The following UPF2 variants were observed in gnomAD, a reference collection of about 807,000 sequenced individuals.
The protein encoded by UPF2 is UPF2 regulator of nonsense mediated mRNA decay.
Under a neutral mutation model 141.4 loss-of-function variants are expected in UPF2, and 17 were observed. The ratio of observed to expected loss-of-function variants is 0.12; its 90% CI spans 0.08 to 0.18. The LOEUF is 0.18. UPF2 is among the 10% of genes least tolerant of loss of function. The probability of loss-of-function intolerance (pLI) is 1.00; values close to 1 mark genes in which losing one functional copy is unlikely to be tolerated. For missense variants in UPF2, 1,152 were observed against 1,515.9 expected, an observed-to-expected ratio of 0.76 and a Z score of 3.99; for synonymous variants, 540 against 498.0, an observed-to-expected ratio of 1.08 and a Z score of -1.12.
Position 11,920,274 on chromosome 10 carries a change from G to T in UPF2, c.*1024C>A, listed in dbSNP as rs1429435088. On this transcript the variant is annotated 3_prime_UTR_variant, in exon 22 of 22. Coordinates refer to ENST00000357604, the MANE Select transcript of UPF2 (RefSeq NM_015542.4). ...CCTGCTGGAAAGCAAACCAAAGACAGCTGTCCTAAGAAATTAACAGATTGT... is the reference window on the plus strand; with the variant it reads ...CCTGCTGGAAAGCAAACCAAAGACATCTGTCCTAAGAAATTAACAGATTGT... 6.6e-6 allele frequency: 1 copy of T among 151,966 alleles called. No individual in the cohort carries two copies. The highest frequency in any genetic ancestry group is 1.5e-5 in the Non-Finnish European group (1 of 68,016). 9.4% of individuals were successfully genotyped at this position (151,966 alleles called of 1,614,324 possible).
intron 9 of UPF2, among the ~76,000 whole-genome samples, chr10:11,978,785 AATG>A (rs953573738): frequency 6.6e-6 from 1 of 152,108 alleles, no homozygotes; most frequent in Non-Finnish European, 1.5e-5. Context: ...GACCCTGGAG[AATG>A]ATTTCTACCT....
intron 17 of UPF2, 39 bp from the exon 18 acceptor site, chr10:11,942,802 T>G: frequency 6.3e-7 from 1 of 1,586,142 alleles, no homozygotes; most frequent in Non-Finnish European, 8.6e-7. Flanking sequence ...CCAGAAATTT[T>G]AACTGTAATG....
rs745680864 is a variant in UPF2, at chr10:11,997,651, T to C, written c.1844+21A>G. ...ACTACAGAGTAAAAACACTAATAAA[T>C]TTCTCTTTCATAACACTTACCTTTG... On this transcript the variant is annotated intron_variant, in intron 8 of 21. Transcript: ENST00000357604. The C allele has an allele frequency of 3.2e-5, 52 of 1,608,534 alleles. 1 individual carries two copies. In the South Asian group the frequency reaches 5.5e-4, roughly 17 times the overall value.
chr10:11,921,175 T>C lies in UPF2; in HGVS notation c.*123A>G, dbSNP rs1832638496. On this transcript the variant is annotated 3_prime_UTR_variant, in exon 22 of 22. Transcript: ENST00000357604. This position sits in a 1 kb window ranked among gnomAD's most constrained non-coding sequence, Gnocchi z 5.9. The stretch of plus-strand genomic sequence containing the variant: ...TCCTGGCCCCAGCCTGTCCCAGGTT[T>C]AGATTCGCAACTCTCTAGACCGACC... 1 of 1,373,554 alleles carries C rather than the reference T, an allele frequency of 7.3e-7. No individual in the cohort carries two copies. The highest frequency in any genetic ancestry group is 1.4e-5 in the African/African-American group (1 of 70,168). The allele number at this position is 1,373,554 out of a possible 1,614,324, so 85.1% of individuals were successfully genotyped here. A position where few individuals can be genotyped will look rare whatever the true frequency, so the allele number is the denominator to read the frequency against.
intron 9 of UPF2, among the ~76,000 whole-genome samples, chr10:11,976,085 T>C (rs559635154): frequency 6.6e-6 from 1 of 152,246 alleles, no homozygotes; most frequent in Non-Finnish European, 1.5e-5. Flanking sequence ...TCTGAGAATG[T>C]TGGTTTCTAA....
Position 12,004,672 on chromosome 10 carries a change from C to T in UPF2, c.1362G>A (p.Leu454=). 1 of 1,613,818 alleles carries T rather than the reference C, an allele frequency of 6.2e-7. No homozygotes were observed. The highest frequency in any genetic ancestry group is 8.5e-7 in the Non-Finnish European group (1 of 1,179,888). ...CTTCATCTTCCCATATACCACCTTC[C>T]AAGTCATATTCTCCAGGTTTACCAG... ...FTPGKPGEYD[L]EGGIWEDEDA... The change falls in exon 5 of 22, where the codon TTG becomes TTA. Residue 454 remains leucine, a synonymous_variant. Transcript: ENST00000357604.
Position 11,956,471 on chromosome 10 carries a change from T to C in UPF2, c.2423A>G (p.Tyr808Cys), listed in dbSNP as rs934171970. 1 of 1,614,050 alleles carries C rather than the reference T, an allele frequency of 6.2e-7. No individual in the cohort carries two copies. The highest frequency in any genetic ancestry group is 8.5e-7 in the Non-Finnish European group (1 of 1,179,934). The change falls in exon 13 of 22, where the codon TAT (tyrosine) becomes TGT (cysteine). Residue 808 changes from tyrosine to cysteine, a missense_variant. By Grantham distance (194) the Tyr-to-Cys change is radical. Transcript: ENST00000357604. This position sits in a 1 kb window ranked among gnomAD's most constrained non-coding sequence, Gnocchi z 4.2. ...GATGTTTATCATACAACAAATAACATAGTCTTTCACTTCTTGGTCCTGCCA... is the reference window on the plus strand; with the variant it reads ...GATGTTTATCATACAACAAATAACACAGTCTTTCACTTCTTGGTCCTGCCA... ...LPWQDQEVKD[Y>C]VICCMINIWN...
intron 3 of UPF2, among the ~76,000 whole-genome samples, chr10:12,023,579 A>T (rs994879267): frequency 6.6e-6 from 1 of 150,810 alleles, no homozygotes; most frequent in Non-Finnish European, 1.5e-5. Context: ...AATCCCAGTT[A>T]CTCGGGAGGC....
chr10:11,954,508 C>T (rs911711753), intron 14 of UPF2, among the ~76,000 whole-genome samples: 1 of 151,498 alleles, frequency 6.6e-6, no homozygotes, highest in African/African-American at 2.4e-5. Flanking sequence ...GTGGAGTACA[C>T]CTGTAATCCC....
At chr10:11,951,116 G>A (rs1329973549) in intron 15 of UPF2, among the ~76,000 whole-genome samples, 2 of 152,058 alleles carry the variant, frequency 1.3e-5, no homozygotes, top group African/African-American at 2.4e-5. Context: ...AGGCTGTAGT[G>A]CAATGGCGTG....
chr10:12,029,328 A>G lies in UPF2; in HGVS notation c.562T>C (p.Ser188Pro), dbSNP rs1564372320. The change falls in exon 3 of 22, where the codon TCC (serine) becomes CCC (proline). Residue 188 changes from serine (S) to proline (P), a missense_variant. This residue lies in a region of UPF2 where 739 missense variants were observed against 1,032.2 expected (regional missense o/e 0.72). Transcript: ENST00000357604. ...LKTITEQQRD[S>P]LSHDFNGLNL... ...AGGCCATTAAAATCATGGGACAAGG[A>G]GTCTCTCTGTTGTTCTGTAATAGTT... The G allele has an allele frequency of 6.2e-7, 1 of 1,614,166 alleles. No individual in the cohort carries two copies. The highest frequency in any genetic ancestry group is 8.5e-7 in the Non-Finnish European group (1 of 1,180,012).
intron 16 of UPF2, among the ~76,000 whole-genome samples, chr10:11,944,845 A>G (rs990362412): frequency 2.0e-5 from 3 of 152,234 alleles, no homozygotes; most frequent in Admixed American, 2.0e-4. Flanking sequence ...TCAATGGACC[A>G]CAAAACCTAA....
At chr10:11,937,284 T>C (rs1197880124) in intron 18 of UPF2, among the ~76,000 whole-genome samples, 1 of 152,226 alleles carries the variant, frequency 6.6e-6, no homozygotes, top group Non-Finnish European at 1.5e-5. Flanking sequence ...AGACTTGCCA[T>C]GTGTTACAGG....
intron 21 of UPF2, among the ~76,000 whole-genome samples, chr10:11,922,213 C>T (rs1261571933): frequency 6.6e-6 from 1 of 152,198 alleles, no homozygotes; most frequent in Admixed American, 6.5e-5. Context: ...CTCAGGTTTC[C>T]TGCCGGCGGC....
Position 11,952,151 on chromosome 10 carries a change from T to A in UPF2, c.2949A>T (p.Leu983=), listed in dbSNP as rs1833083428. ...DYMISDTLEL[L]RPKIKLCNSL... Reference sequence around the variant, plus strand: ...AATTACAGAGTTTGATCTTTGGTCTTAGCAGTTCTAGTGTATCACTGATCA... The same window carrying A: ...AATTACAGAGTTTGATCTTTGGTCTAAGCAGTTCTAGTGTATCACTGATCA... Residue 983 remains leucine, a synonymous_variant, in exon 15 of 22, where the codon CTA becomes CTT. Transcript: ENST00000357604. 2 of 1,613,918 alleles carry A rather than the reference T, an allele frequency of 1.2e-6. No homozygotes were observed. Among genetic ancestry groups the A allele is most frequent in the Non-Finnish European group, 1.7e-6 (2 of 1,179,928 alleles).
At chr10:11,945,489 A>C (rs1319541558) in intron 16 of UPF2, among the ~76,000 whole-genome samples, 1 of 152,186 alleles carries the variant, frequency 6.6e-6, no homozygotes, top group African/African-American at 2.4e-5. Flanking sequence ...ATTCCAACCT[A>C]ATTTCTCACA....
chr10:12,036,488 C>T (rs921581938), intron 1 of UPF2, among the ~76,000 whole-genome samples: 2 of 152,182 alleles, frequency 1.3e-5, no homozygotes, highest in African/African-American at 4.8e-5. Flanking sequence ...CTAATGGCTT[C>T]CATACACAGC....
chr10:12,032,243 G>A (rs1474976300), intron 2 of UPF2, among the ~76,000 whole-genome samples: 2 of 150,552 alleles, frequency 1.3e-5, no homozygotes, highest in Admixed American at 6.6e-5. Flanking sequence ...ACGGTGAGCC[G>A]AGATCGCGCC....
In UPF2 at chr10:11,936,970, C is replaced by A. The variant is rs768057741; in HGVS notation, c.3379-258G>T. Among the ~76,000 whole-genome samples, 1 of 152,228 alleles carries A rather than the reference C, an allele frequency of 6.6e-6. No individual in the cohort carries two copies. The highest frequency in any genetic ancestry group is 1.9e-4 in the East Asian group (1 of 5,200). Reference sequence around the variant, plus strand: ...CTTGGCTGCTGTTGACTGCTCCAGCCTCTCCCAAGCACGCAGTGCTGCGGG... The same window carrying A: ...CTTGGCTGCTGTTGACTGCTCCAGCATCTCCCAAGCACGCAGTGCTGCGGG... On this transcript the variant is annotated intron_variant, in intron 18 of 21. Transcript: ENST00000357604. This position sits in a 1 kb window ranked among gnomAD's most constrained non-coding sequence, Gnocchi z 6.6.
Sources: allele counts gnomAD v4.1 joint callset (sites outside exome capture counted in the v4.1 genomes callset), GRCh38; gene constraint gnomAD v4.1.1; regional missense constraint gnomAD v4.1.1; non-coding constraint Gnocchi (gnomAD v3.1); transcripts MANE v1.5; gene names NCBI Gene and HGNC (gene_info 2026-07-23, HGNC 2026-07-21).